The following SH3GL1 variants were observed in gnomAD, a reference collection of about 807,000 sequenced individuals.
SH3GL1 encodes SH3 domain containing GRB2 like 1, endophilin A2, also known as endophilin-A2.
Under a neutral mutation model 48.8 loss-of-function variants are expected in SH3GL1, and 21 were observed. That is an observed-to-expected ratio of 0.43 (90% CI 0.30 to 0.62). SH3GL1 has a LOEUF of 0.62. SH3GL1 is among the 20% of genes least tolerant of loss of function. The probability of loss-of-function intolerance (pLI) is 0.11; values close to 1 mark genes in which losing one functional copy is unlikely to be tolerated. For missense variants in SH3GL1, 454 were observed against 503.0 expected, an observed-to-expected ratio of 0.90 and a Z score of 0.93; for synonymous variants, 282 against 217.5, an observed-to-expected ratio of 1.30 and a Z score of -2.61.
chr19:4,392,123 G>A (rs564509749), intron 1 of SH3GL1, among the ~76,000 whole-genome samples: 1 of 152,296 alleles, frequency 6.6e-6, no homozygotes, highest in Non-Finnish European at 1.5e-5. Flanking sequence ...AATCACCAAC[G>A]CCGGCCCTTA....
At position 4,363,870 on chromosome 19, in the gene SH3GL1, C is replaced by T. The variant is rs201437228; in HGVS notation, c.474G>A (p.Leu158=). ...CCAGGCGGCGGCCCTCCAGTTTCTT[C>T]AGGTGGTGCTGGAGACGTGGGGGAC... ...EKDLKEIQHH[L]KKLEGRRLDF... is the part of the protein sequence containing the mutation. The change falls in exon 6 of 10, where the codon CTG becomes CTA. Residue 158 remains leucine (L), a synonymous_variant. Coordinates refer to ENST00000269886, the MANE Select transcript of SH3GL1 (RefSeq NM_003025.4). 194 of 1,612,388 alleles carry T rather than the reference C, an allele frequency of 1.2e-4. No individual in the cohort carries two copies. Among genetic ancestry groups the T allele is most frequent in the Non-Finnish European group, 1.6e-4 (185 of 1,180,028 alleles).
rs746452255 is a variant in SH3GL1, at chr19:4,361,582, G to A, written c.*18C>T. On this transcript the variant is annotated 3_prime_UTR_variant, in exon 10 of 10. Coordinates refer to ENST00000269886, the MANE Select transcript of SH3GL1 (RefSeq NM_003025.4). Reference sequence around the variant, plus strand: ...CCGGCCAGTGTGGACGGAGGGGCGGGGCGGGGACACGGGTGAGTCACTGCG... The same window carrying A: ...CCGGCCAGTGTGGACGGAGGGGCGGAGCGGGGACACGGGTGAGTCACTGCG... The A allele has an allele frequency of 1.3e-6, 2 of 1,571,160 alleles. No homozygotes were observed. Among genetic ancestry groups the A allele is most frequent in the Non-Finnish European group, 1.7e-6 (2 of 1,157,614 alleles).
rs1339947069 is a variant in SH3GL1 at position 4,362,642 on chromosome 19, A to AG, written c.822dup (p.Phe275LeufsTer26). On this transcript the variant is annotated frameshift_variant, in exon 8 of 10. Transcript: ENST00000269886. LOFTEE classifies it high-confidence loss of function. ...ATCTTGGGGGCTGTGGTGCAGGGGA[A>AG]GCCCCCGTTGGACTGCTCAGGCTCT... 1 of 1,613,870 alleles carries AG rather than the reference A, an allele frequency of 6.2e-7. No homozygotes were observed. The highest frequency in any genetic ancestry group is 1.7e-5 in the Admixed American group (1 of 60,026).
chr19:4,369,435 G>A lies in SH3GL1; in HGVS notation c.46-2441C>T, dbSNP rs1056440395. Among the ~76,000 whole-genome samples the A allele has an allele frequency of 9.2e-5, 14 of 152,320 alleles. No homozygotes were observed. In the South Asian group the frequency reaches 1.9e-3, roughly 20 times the overall value. ...ACACCTTCTGGGCGGAGGCCACCCC[G>A]GCCCCACGACCTGCCCAGGCAGGAC... On this transcript the variant is annotated intron_variant, in intron 1 of 9. Transcript: ENST00000269886.
intron 9 of SH3GL1, 54 bp from the exon 10 acceptor site, chr19:4,361,850 G>T: frequency 7.6e-7 from 1 of 1,321,966 alleles, no homozygotes; most frequent in Non-Finnish European, 1.1e-6. Flanking sequence ...ACCCCGCCCA[G>T]TCTGGGGTCT....
intron 7 of SH3GL1, among the ~76,000 whole-genome samples, chr19:4,362,977 C>G (rs1972665068): frequency 1.3e-5 from 2 of 152,158 alleles, no homozygotes; most frequent in African/African-American, 4.8e-5. Flanking sequence ...CCTGCCACAG[C>G]ATCTACCTAC....
At position 4,361,041 on chromosome 19, in the gene SH3GL1, G is replaced by A. The variant is rs547087075; in HGVS notation, c.*559C>T. 46 of 234,356 alleles carry A rather than the reference G, an allele frequency of 2.0e-4. No homozygotes were observed. Among genetic ancestry groups the A allele is most frequent in the Non-Finnish European group, 2.9e-4 (35 of 118,824 alleles). The allele number at this position is 234,356 out of a possible 1,614,324, so 14.5% of individuals were successfully genotyped here. ...CGGTGAGGCCCTCTGCCCTGGCCTT[G>A]AGGAGAAGGAGTGCGTGTGTGAGGC... On this transcript the variant is annotated 3_prime_UTR_variant, in exon 10 of 10. Transcript: ENST00000269886.
At position 4,398,301 on chromosome 19, in the gene SH3GL1, C is replaced by G. The variant is rs146834725; in HGVS notation, c.45+2023G>C. Among the ~76,000 whole-genome samples the G allele has an allele frequency of 6.2e-4, 94 of 152,212 alleles. 1 individual carries two copies. The East Asian group carries it at 0.016, about 26-fold the overall frequency. ...TTTGCTAAGATCATTGCTCATTCCT[C>G]GGTGGACTCTATCTACACAAATTCC... On this transcript the variant is annotated intron_variant, in intron 1 of 9. Coordinates refer to ENST00000269886, the MANE Select transcript of SH3GL1 (RefSeq NM_003025.4).
chr19:4,369,671 C>T (rs897826288), intron 1 of SH3GL1, among the ~76,000 whole-genome samples: 10 of 152,344 alleles, frequency 6.6e-5, no homozygotes, highest in Middle Eastern at 3.4e-3. Flanking sequence ...AATCCAGGAC[C>T]CTGCCTTCCT....
At chr19:4,386,476 CTT>C (rs369353160) in intron 1 of SH3GL1, among the ~76,000 whole-genome samples, 5 of 127,162 alleles carry the variant, frequency 3.9e-5, no homozygotes, top group Middle Eastern at 3.7e-3. Flanking sequence ...TTTGGGAACT[CTT>C]TTTTTTTTTT....
intron 1 of SH3GL1, among the ~76,000 whole-genome samples, chr19:4,398,570 G>C (rs1285417507): frequency 6.6e-6 from 1 of 151,838 alleles, no homozygotes; most frequent in Non-Finnish European, 1.5e-5. Context: ...ATGGGGTTTT[G>C]CCATGTTGCC....
chr19:4,362,303 G>T, intron 9 of SH3GL1, 26 bp downstream of exon 9: 1 of 1,606,940 alleles, frequency 6.2e-7, no homozygotes, highest in Non-Finnish European at 8.5e-7. Flanking sequence ...CAGCACTGAG[G>T]TCGAGGCGGG....
At chr19:4,397,237 G>A (rs1973441964) in intron 1 of SH3GL1, among the ~76,000 whole-genome samples, 1 of 152,244 alleles carries the variant, frequency 6.6e-6, no homozygotes, top group Non-Finnish European at 1.5e-5. Flanking sequence ...ACTCAGGACA[G>A]AATTGACCAG....
chr19:4,392,557 CACACACACACACAA>C (rs1412797077), intron 1 of SH3GL1, among the ~76,000 whole-genome samples: 1 of 108,576 alleles, frequency 9.2e-6, no homozygotes, highest in East Asian at 2.6e-4. Context: ...CACACACACA[CACACACACACACAA>C]AAGATCATTC....
chr19:4,380,318 T>TCG (rs1216953971), intron 1 of SH3GL1: 1 of 152,464 alleles, frequency 6.6e-6, no homozygotes, highest in Non-Finnish European at 1.5e-5. Context: ...TAACCCAGGC[T>TCG]CGCACACACA....
intron 7 of SH3GL1, among the ~76,000 whole-genome samples, 170 bp from the exon 8 acceptor site, chr19:4,362,906 G>A (rs1057073465): frequency 6.6e-6 from 1 of 152,168 alleles, no homozygotes. Flanking sequence ...TGTCTACCCA[G>A]AGGGCCTCCA....
At chr19:4,388,849 G>A (rs903661204) in intron 1 of SH3GL1, among the ~76,000 whole-genome samples, 1 of 152,202 alleles carries the variant, frequency 6.6e-6, no homozygotes, top group Non-Finnish European at 1.5e-5. Context: ...CCTCGGACCT[G>A]GCCAAGTTCA....
At chr19:4,368,353 G>A (rs1053526020) in intron 1 of SH3GL1, among the ~76,000 whole-genome samples, 8 of 152,222 alleles carry the variant, frequency 5.3e-5, no homozygotes, top group African/African-American at 1.7e-4. Flanking sequence ...AGGAAGTGCG[G>A]GGGCAGGAGA....
At position 4,362,285 on chromosome 19, in the gene SH3GL1, C is replaced by G. The variant is rs370030379; in HGVS notation, c.910+44G>C. ...AGGAGAAACACCCTCCCCGAATGGC[C>G]GAGAAGGCAGCACTGAGGTCGAGGC... On this transcript the variant is annotated intron_variant, in intron 9 of 9. Coordinates refer to ENST00000269886, the MANE Select transcript of SH3GL1 (RefSeq NM_003025.4). 11 of 1,590,288 alleles carry G rather than the reference C, an allele frequency of 6.9e-6. No homozygotes were observed. In the Admixed American group the frequency reaches 1.4e-4, roughly 20 times the overall value.
Sources: allele counts gnomAD v4.1 joint callset (sites outside exome capture counted in the v4.1 genomes callset), GRCh38; gene constraint gnomAD v4.1.1; transcripts MANE v1.5; gene names NCBI Gene and HGNC (gene_info 2026-07-23, HGNC 2026-07-21).